Variants in SAP18 observed in about 807,000 individuals in gnomAD.
The protein encoded by SAP18 is Sin3A associated protein 18.
SAP18 carries 4 observed loss-of-function variants against 18.6 expected under a neutral mutation model. The ratio of observed to expected loss-of-function variants is 0.21; its 90% CI spans 0.11 to 0.49. SAP18 has a LOEUF of 0.49. Ranked by LOEUF, SAP18 falls within the 20% of genes least tolerant of loss-of-function variation. SAP18 has a pLI of 0.98. For synonymous variants in SAP18, 112 were observed against 82.8 expected, an observed-to-expected ratio of 1.35 and a Z score of -1.92; for missense variants, 170 against 226.4, an observed-to-expected ratio of 0.75 and a Z score of 1.60.
upstream of SAP18, chr13:21,140,396 C>A: frequency 2.7e-6 from 2 of 727,522 alleles, no homozygotes; most frequent in Non-Finnish European, 4.4e-6. Flanking sequence ...CTCCTCCCCG[C>A]GGACGTCAGC....
chr13:21,140,547 G>C, exon 1 of SAP18: 2 of 1,582,592 alleles, frequency 1.3e-6, no homozygotes, highest in Non-Finnish European at 1.7e-6. Context: ...GAGAGACTTA[G>C]TGCTCATGCT....
chr13:21,146,553 G>A (rs148117323), intron 2 of SAP18: 1 of 286,352 alleles, frequency 3.5e-6, no homozygotes, highest in African/African-American at 2.2e-5. Context: ...ATAGCATATA[G>A]AATCTCTGAA....
intron 2 of SAP18, among the ~76,000 whole-genome samples, chr13:21,141,961 C>T (rs1363748177): frequency 2.0e-5 from 3 of 151,594 alleles, no homozygotes; most frequent in Admixed American, 6.6e-5. Context: ...CTACTGCGCC[C>T]AGCCTAAAAT....
chr13:21,142,857 G>A (rs926624451), intron 2 of SAP18, among the ~76,000 whole-genome samples: 15 of 152,016 alleles, frequency 9.9e-5, no homozygotes, highest in African/African-American at 3.6e-4. Flanking sequence ...CCAGTGTGCC[G>A]GTACCCTGTT....
At chr13:21,140,903 A>G (rs1344865576) in exon 2 of SAP18, 2 of 1,613,614 alleles carry the variant, frequency 1.2e-6, no homozygotes, top group South Asian at 1.1e-5. Context: ...CACTGTTGCT[A>G]CGGGTCTTCA....
chr13:21,140,688 G>GC lies in SAP18; in HGVS notation c.129+12dup. 5 of 1,609,638 alleles carry GC rather than the reference G, an allele frequency of 3.1e-6. No individual in the cohort carries two copies. Among genetic ancestry groups the GC allele is most frequent in the Non-Finnish European group, 4.2e-6 (5 of 1,177,498 alleles). On this transcript the variant is annotated splice_region_variant and intron_variant, in intron 1 of 3. Transcript: ENST00000621421. ...ACCGATCGACCGCGAGAAGGTGAAG[G>GC]CCCCCTCCGCTTTGGGGTCCGGGAA...
upstream of SAP18, among the ~76,000 whole-genome samples, chr13:21,140,227 T>G (rs1175873943): frequency 1.3e-5 from 2 of 152,186 alleles, no homozygotes; most frequent in Admixed American, 6.5e-5. Flanking sequence ...TGTTCTTTCA[T>G]CAGAAAGATC....
chr13:21,146,279 G>A (rs1267129357), intron 2 of SAP18, among the ~76,000 whole-genome samples: 4 of 152,146 alleles, frequency 2.6e-5, no homozygotes, highest in Non-Finnish European at 4.4e-5. Context: ...CCTGGGAGGC[G>A]GAGGTTGCAG....
chr13:21,143,018 T>G (rs1210409635), intron 2 of SAP18, among the ~76,000 whole-genome samples: 1 of 152,240 alleles, frequency 6.6e-6, no homozygotes, highest in Non-Finnish European at 1.5e-5. Flanking sequence ...TTTTGGCTTA[T>G]TTCATGGTGT....
chr13:21,145,503 G>T (rs972030517), intron 2 of SAP18, among the ~76,000 whole-genome samples: 1 of 151,848 alleles, frequency 6.6e-6, no homozygotes, highest in Non-Finnish European at 1.5e-5. Flanking sequence ...AAACCAATGT[G>T]ACCTCAGGTT....
intron 2 of SAP18, chr13:21,141,278 G>A (rs1200553346): frequency 8.4e-6 from 4 of 475,634 alleles, no homozygotes; most frequent in Non-Finnish European, 1.5e-5. Flanking sequence ...AAAAGTGATA[G>A]GTAGATAAAT....
At chr13:21,144,344 G>A (rs1248650583) in intron 2 of SAP18, among the ~76,000 whole-genome samples, 1 of 147,164 alleles carries the variant, frequency 6.8e-6, no homozygotes, top group African/African-American at 2.5e-5. Flanking sequence ...GGCAGAGGTT[G>A]CAGTGAGCCG....
exon 4 of SAP18, chr13:21,148,724 T>G (rs1029487109): frequency 2.0e-5 from 3 of 151,948 alleles, no homozygotes; most frequent in African/African-American, 7.3e-5. Flanking sequence ...TGCACCTAGC[T>G]TTTTGGAGAA....
rs933480095 is a variant in SAP18 at position 21,141,121 on chromosome 13, T to G, written c.239+126T>G. ...ATTTCTCCACTTGGGGCCTTCGGAC[T>G]CAGCTTTCAGGAAGTTAGAAGTTTT... is the stretch of plus-strand genomic sequence containing the variant. On this transcript the variant is annotated intron_variant, in intron 2 of 3. Coordinates refer to ENST00000621421, the Ensembl canonical transcript of SAP18. 1.2e-5 allele frequency: 8 copies of G among 669,290 alleles called. No homozygotes were observed. In the African/African-American group the frequency reaches 1.4e-4, roughly 12 times the overall value. The allele number at this position is 669,290 out of a possible 1,614,324, so 41.5% of individuals were successfully genotyped here. A position where few individuals can be genotyped will look rare whatever the true frequency, so the allele number is the denominator to read the frequency against.
At chr13:21,140,337 G>A (rs943134832), upstream of SAP18, among the ~76,000 whole-genome samples, 3 of 152,182 alleles carry the variant, frequency 2.0e-5, no homozygotes, top group Admixed American at 6.5e-5. Context: ...AATATTTAAG[G>A]GAAAAAAACA....
Position 21,145,553 on chromosome 13 carries a change from C to T in SAP18, c.240-1252C>T, listed in dbSNP as rs151172458. Among the ~76,000 whole-genome samples, 15 of 152,248 alleles carry T rather than the reference C, an allele frequency of 9.9e-5. No individual in the cohort carries two copies. The East Asian group carries it at 2.9e-3, about 29-fold the overall frequency. Reference sequence around the variant, plus strand: ...ACAGAGTCTCAGTCTGTCACCCAGGCTGGAGCACAGTGGCACAGTCTTGGC... The same window carrying T: ...ACAGAGTCTCAGTCTGTCACCCAGGTTGGAGCACAGTGGCACAGTCTTGGC... On this transcript the variant is annotated intron_variant, in intron 2 of 3. Coordinates refer to ENST00000621421, the Ensembl canonical transcript of SAP18.
chr13:21,144,477 A>G (rs1347097051), intron 2 of SAP18, among the ~76,000 whole-genome samples: 3 of 148,854 alleles, frequency 2.0e-5, no homozygotes, highest in African/African-American at 4.9e-5. Flanking sequence ...GGGGCTGTCT[A>G]GGCCCTTAAT....
Position 21,142,273 on chromosome 13 carries a change from C to T in SAP18, c.239+1278C>T, listed in dbSNP as rs538287030. ...CTGTACTCCAGCCTGGGCGACAGAG[C>T]GAGACTCTGTCTCAAAATATATATG... is the stretch of plus-strand genomic sequence containing the variant. On this transcript the variant is annotated intron_variant, in intron 2 of 3. Transcript: ENST00000621421. Among the ~76,000 whole-genome samples, 9 of 150,672 alleles carry T rather than the reference C, an allele frequency of 6.0e-5. No homozygotes were observed. In the East Asian group the frequency reaches 1.9e-3, roughly 31 times the overall value.
chr13:21,147,646 A>G, exon 4 of SAP18: 1 of 274,160 alleles, frequency 3.6e-6, no homozygotes, highest in Non-Finnish European at 6.9e-6. Flanking sequence ...CAGGGTTTAT[A>G]CTAAGTAGTG....
Sources: gnomAD v4.1 joint callset for allele counts (sites outside exome capture counted in the v4.1 genomes callset) on GRCh38, gnomAD v4.1.1 for gene constraint, MANE v1.5 for transcripts, NCBI Gene and HGNC (gene_info 2026-07-23, HGNC 2026-07-21) for gene names.